Variants in CAB39 observed in about 807,000 individuals in gnomAD.
CAB39 encodes the protein calcium-binding protein 39.
A neutral mutation model predicts 40.0 loss-of-function variants in CAB39; 8 were observed. The ratio of observed to expected loss-of-function variants is 0.20; its 90% confidence interval spans 0.12 to 0.36. CAB39 has a LOEUF of 0.36. Ranked by LOEUF, CAB39 falls within the 10% of genes least tolerant of loss-of-function variation. The pLI, the probability that CAB39 is intolerant of heterozygous loss-of-function variation, is 1.00. For synonymous variants in CAB39, 156 were observed against 141.6 expected, an observed-to-expected ratio of 1.10 and a Z score of -0.72; for missense variants, 270 against 401.1, an observed-to-expected ratio of 0.67 and a Z score of 2.79.
intron 1 of CAB39, chr2:230,752,347 G>A (rs1339342112): frequency 6.6e-6 from 1 of 152,132 alleles, no homozygotes; most frequent in East Asian, 1.9e-4. Flanking sequence ...CTGCTATAAC[G>A]AAATATACGA....
intron 1 of CAB39, among the ~76,000 whole-genome samples, chr2:230,754,265 TAC>T (rs1695141176): frequency 6.6e-6 from 1 of 152,212 alleles, no homozygotes; most frequent in Admixed American, 6.5e-5. Flanking sequence ...GTATAGACTG[TAC>T]CATATTTGTA....
chr2:230,804,393 G>A (rs1407454116), intron 5 of CAB39, among the ~76,000 whole-genome samples: 3 of 152,138 alleles, frequency 2.0e-5, no homozygotes, highest in African/African-American at 7.2e-5. Context: ...AGCCAAAATA[G>A]ATAAATGGGA....
intron 1 of CAB39, among the ~76,000 whole-genome samples, chr2:230,746,485 A>C (rs986726863): frequency 2.0e-5 from 3 of 152,168 alleles, no homozygotes; most frequent in Non-Finnish European, 2.9e-5. Context: ...ACCCAGATCA[A>C]CCCTTTGAAT....
intron 1 of CAB39, among the ~76,000 whole-genome samples, chr2:230,740,907 T>C (rs762635752): frequency 2.4e-4 from 37 of 152,204 alleles, no homozygotes; most frequent in African/African-American, 4.8e-5. Context: ...AATTGCTCAG[T>C]AGAAAGTGTT....
At chr2:230,778,766 G>T (rs769578903) in intron 2 of CAB39, among the ~76,000 whole-genome samples, 10 of 152,186 alleles carry the variant, frequency 6.6e-5, no homozygotes, top group Non-Finnish European at 1.3e-4. Flanking sequence ...ATCATTAGGC[G>T]ATTTCTTCCA....
At chr2:230,769,773 G>T (rs1257804413) in intron 2 of CAB39, among the ~76,000 whole-genome samples, 1 of 151,266 alleles carries the variant, frequency 6.6e-6, no homozygotes, top group Non-Finnish European at 1.5e-5. Flanking sequence ...GAGCTCAGGA[G>T]TTGGAGACCA....
chr2:230,774,311 G>A (rs1408985827), intron 2 of CAB39, among the ~76,000 whole-genome samples: 1 of 152,036 alleles, frequency 6.6e-6, no homozygotes, highest in Non-Finnish European at 1.5e-5. Flanking sequence ...ATTTGTATTT[G>A]TTTTATATGG....
intron 2 of CAB39, among the ~76,000 whole-genome samples, chr2:230,764,350 A>G (rs188444389): frequency 1.3e-5 from 2 of 152,302 alleles, no homozygotes; most frequent in East Asian, 3.9e-4. Context: ...ATGATAGGCT[A>G]TTGTGTTCCA....
chr2:230,717,984 A>C lies in CAB39; in HGVS notation c.-44+4754A>C, dbSNP rs77618972. Among the ~76,000 whole-genome samples, 1,460 of 152,236 alleles carry C rather than the reference A, an allele frequency of 9.6e-3. 23 individuals are homozygous for C. Among genetic ancestry groups the C allele is most frequent in the African/African-American group, 0.032 (1,345 of 41,534 alleles). ...TATCCAGTGCATACCTATTTGTATGATCTTTAATAGCTTTTGTCTTGGTAC... is the reference window on the plus strand; with the variant it reads ...TATCCAGTGCATACCTATTTGTATGCTCTTTAATAGCTTTTGTCTTGGTAC... On this transcript the variant is annotated intron_variant, in intron 1 of 8. Transcript: ENST00000258418.
Position 230,773,318 on chromosome 2 carries a change from G to A in CAB39, c.114+13203G>A, listed in dbSNP as rs536909594. 2.6e-3 allele frequency among the ~76,000 whole-genome samples: 373 copies of A among 142,490 alleles called. 2 individuals are homozygous for A. The highest frequency in any genetic ancestry group is 7.6e-3 in the African/African-American group (273 of 36,092). The allele number at this position is 142,490 out of a possible 152,430, so 93.5% of individuals were successfully genotyped here. A position where few individuals can be genotyped will look rare whatever the true frequency, so the allele number is the denominator to read the frequency against. On this transcript the variant is annotated intron_variant, in intron 2 of 8. Transcript: ENST00000258418. ...TATGTGTATATATATATATATATGT[G>A]TGTGTGTGTGTGTGTGTGTGTGTGT...
rs976513051 is a variant in CAB39 at position 230,721,727 on chromosome 2, G to A, written c.-44+8497G>A. Among the ~76,000 whole-genome samples, 9 of 152,216 alleles carry A rather than the reference G, an allele frequency of 5.9e-5. No individual in the cohort carries two copies. In the South Asian group the frequency reaches 1.9e-3, roughly 31 times the overall value. ...ACACTGGGTTAAACATAGTTAAACA[G>A]AGTTTTATTTTTGATGGTGATTGTG... On this transcript the variant is annotated intron_variant, in intron 1 of 8. Coordinates refer to ENST00000258418, the MANE Select transcript of CAB39 (RefSeq NM_016289.4).
chr2:230,801,152 G>GAATTTT (rs2124969306), intron 5 of CAB39, among the ~76,000 whole-genome samples: 1 of 152,224 alleles, frequency 6.6e-6, no homozygotes, highest in African/African-American at 2.4e-5. Flanking sequence ...CCCAAAAGAG[G>GAATTTT]GTTCTCCAAG....
chr2:230,797,897 A>C (rs1425528856), intron 4 of CAB39, among the ~76,000 whole-genome samples: 3 of 152,228 alleles, frequency 2.0e-5, no homozygotes, highest in East Asian at 1.9e-4. Context: ...GGGAAATGGA[A>C]TATGACTAGA....
intron 1 of CAB39, among the ~76,000 whole-genome samples, chr2:230,718,955 T>C (rs1234754348): frequency 1.3e-5 from 2 of 152,262 alleles, no homozygotes; most frequent in East Asian, 1.9e-4. Context: ...TCATACTTTA[T>C]GCAGTAATGT....
At chr2:230,807,408 AC>A (rs34952385) in intron 5 of CAB39, among the ~76,000 whole-genome samples, 2 of 140,850 alleles carry the variant, frequency 1.4e-5, no homozygotes, top group Non-Finnish European at 3.1e-5. Context: ...CTAGTGTTTT[AC>A]CCCCCCAACC....
intron 4 of CAB39, among the ~76,000 whole-genome samples, chr2:230,797,522 AG>A (rs1182364671): frequency 1.2e-5 from 1 of 81,284 alleles, no homozygotes; most frequent in Non-Finnish European, 2.5e-5. Context: ...ATGAGGAAGC[AG>A]GGGGGTGGGG....
chr2:230,745,864 A>T (rs549109004), intron 1 of CAB39, among the ~76,000 whole-genome samples: 1 of 152,176 alleles, frequency 6.6e-6, no homozygotes, highest in South Asian at 2.1e-4. Context: ...TGACCTTGTG[A>T]TCCGCCTGCT....
chr2:230,766,297 G>A (rs1178206625), intron 2 of CAB39, among the ~76,000 whole-genome samples: 1 of 152,112 alleles, frequency 6.6e-6, no homozygotes, highest in South Asian at 2.1e-4. Flanking sequence ...CAAGTAAAGA[G>A]GGGAAATTAT....
At chr2:230,736,271 G>A (rs979870366) in intron 1 of CAB39, among the ~76,000 whole-genome samples, 1 of 152,104 alleles carries the variant, frequency 6.6e-6, no homozygotes, top group Non-Finnish European at 1.5e-5. Flanking sequence ...TTAGCATGGT[G>A]GTAAGGATAA....
Sources: gnomAD v4.1 joint callset for allele counts (sites outside exome capture counted in the v4.1 genomes callset) on GRCh38, gnomAD v4.1.1 for gene constraint, MANE v1.5 for transcripts, NCBI Gene and HGNC (gene_info 2026-07-23, HGNC 2026-07-21) for gene names.